The following DGKB variants were observed in gnomAD, a reference collection of about 807,000 sequenced individuals.
DGKB encodes diacylglycerol kinase beta, also known as 90 kDa diacylglycerol kinase.
In DGKB, 67 loss-of-function variants were observed where a neutral mutation model predicts 114.3. The observed-to-expected ratio is 0.59, with a 90% confidence interval of 0.48 to 0.72. DGKB has a LOEUF of 0.72. Ranked by LOEUF, DGKB falls within the 30% of genes least tolerant of loss-of-function variation. The pLI is 0.00. For synonymous variants in DGKB, 398 were observed against 323.1 expected (o/e 1.23, Z -2.49); for missense variants, 907 against 975.2 (o/e 0.93, Z 0.93).
chr7:14,665,850 T>C (rs910950258), intron 13 of DGKB, among the ~76,000 whole-genome samples: 1 of 151,958 alleles, frequency 6.6e-6, no homozygotes, highest in African/African-American at 2.4e-5. Flanking sequence ...TCTAGAGAAA[T>C]TGATCAGATT....
chr7:14,950,396 A>C (rs1786122388), intron 1 of DGKB, among the ~76,000 whole-genome samples: 1 of 151,938 alleles, frequency 6.6e-6, no homozygotes, highest in Admixed American at 6.6e-5. Flanking sequence ...GAAGAAAGGA[A>C]ATTTTAAAGA....
intron 20 of DGKB, among the ~76,000 whole-genome samples, chr7:14,489,581 A>G (rs118137902): frequency 6.6e-5 from 10 of 152,358 alleles, no homozygotes; most frequent in Admixed American, 2.6e-4. Flanking sequence ...AAGACTTATC[A>G]TCTTTGAATA....
chr7:14,701,937 T>A (rs1296640066), intron 6 of DGKB, among the ~76,000 whole-genome samples: 3 of 152,204 alleles, frequency 2.0e-5, no homozygotes, highest in Non-Finnish European at 4.4e-5. Context: ...ATAAAGTCTA[T>A]CAAATTTTGT....
At chr7:14,287,091 T>C (rs1800990013) in intron 23 of DGKB, among the ~76,000 whole-genome samples, 1 of 152,094 alleles carries the variant, frequency 6.6e-6, no homozygotes, top group South Asian at 2.1e-4. Flanking sequence ...TCTGTGACTG[T>C]GATGTAAACT....
At chr7:14,824,755 T>C (rs913896555) in intron 2 of DGKB, among the ~76,000 whole-genome samples, 2 of 151,804 alleles carry the variant, frequency 1.3e-5, no homozygotes, top group Non-Finnish European at 2.9e-5. Context: ...GTTGATCTAG[T>C]CTTTGTCTTT....
At chr7:14,775,533 G>A (rs79017756) in intron 2 of DGKB, among the ~76,000 whole-genome samples, 3,022 of 151,896 alleles carry the variant, frequency 0.02, 40 homozygotes, top group Middle Eastern at 0.071. Flanking sequence ...TGTTGTGGGA[G>A]CGACCTAGTG....
At chr7:14,580,819 G>A in intron 19 of DGKB, 43 bp downstream of exon 19, 1 of 1,328,926 alleles carries the variant, frequency 7.5e-7, no homozygotes, top group Non-Finnish European at 1.1e-6. Context: ...AGGGAAAGGG[G>A]TGTTGTGTAC....
intron 23 of DGKB, among the ~76,000 whole-genome samples, chr7:14,206,637 G>T (rs1479499525): frequency 6.6e-6 from 1 of 151,998 alleles, no homozygotes; most frequent in Non-Finnish European, 1.5e-5. Flanking sequence ...AACATAATCA[G>T]ATTTTTGATG....
chr7:14,550,795 C>T (rs1316184751), intron 20 of DGKB, among the ~76,000 whole-genome samples: 2 of 151,978 alleles, frequency 1.3e-5, no homozygotes, highest in African/African-American at 4.8e-5. Flanking sequence ...ATAAATCAAA[C>T]TAATAAAAAA....
chr7:14,675,084 T>C (rs1819617368), intron 12 of DGKB, among the ~76,000 whole-genome samples: 1 of 152,080 alleles, frequency 6.6e-6, no homozygotes. Flanking sequence ...GCAACTTCCT[T>C]AAAACTGAGA....
chr7:14,219,930 TTTAG>T (rs1267642168), intron 23 of DGKB, among the ~76,000 whole-genome samples: 1 of 151,692 alleles, frequency 6.6e-6, no homozygotes, highest in Admixed American at 6.6e-5. Context: ...TTGATTATTT[TTTAG>T]TTAATTTTTC....
Position 14,515,963 on chromosome 7 carries a change from G to C in DGKB, c.1771-37738C>G, listed in dbSNP as rs186296907. On this transcript the variant is annotated intron_variant, in intron 20 of 25. Transcript: ENST00000402815. ...AAGCTCAAGCGATCCTCCTGCCTCAGCCTCTTCAGTAGCTGGAACTACAGG... is the reference window on the plus strand; with the variant it reads ...AAGCTCAAGCGATCCTCCTGCCTCACCCTCTTCAGTAGCTGGAACTACAGG... 3.4e-3 allele frequency among the ~76,000 whole-genome samples: 511 copies of C among 152,176 alleles called. 11 individuals are homozygous for C. Among genetic ancestry groups the C allele is most frequent in the Non-Finnish European group, 4.1e-3 (280 of 68,010 alleles).
intron 2 of DGKB, among the ~76,000 whole-genome samples, chr7:14,770,550 T>G (rs1837263103): frequency 6.6e-6 from 1 of 152,078 alleles, no homozygotes; most frequent in Admixed American, 6.6e-5. Context: ...TGAGAGAAGT[T>G]TTCTGTAACC....
chr7:14,520,924 T>A (rs965081215), intron 20 of DGKB, among the ~76,000 whole-genome samples: 2 of 152,124 alleles, frequency 1.3e-5, no homozygotes, highest in African/African-American at 4.8e-5. Context: ...GACCACACTA[T>A]TATGTTCATC....
chr7:14,523,777 T>C (rs1289973611), intron 20 of DGKB, among the ~76,000 whole-genome samples: 1 of 152,152 alleles, frequency 6.6e-6, no homozygotes, highest in East Asian at 1.9e-4. Context: ...TGTGTTGTAG[T>C]AGAAAGAGCT....
At chr7:14,507,896 T>C (rs1787347862) in intron 20 of DGKB, among the ~76,000 whole-genome samples, 1 of 152,144 alleles carries the variant, frequency 6.6e-6, no homozygotes, top group Admixed American at 6.5e-5. Context: ...ATCCTAAGCT[T>C]ATAGTACATA....
intron 23 of DGKB, among the ~76,000 whole-genome samples, chr7:14,222,554 C>G (rs778982214): frequency 6.6e-6 from 1 of 151,146 alleles, no homozygotes; most frequent in African/African-American, 2.4e-5. Flanking sequence ...TTCGGTCTAT[C>G]CTGGAGAATG....
At chr7:14,852,647 G>A (rs1400422631) in intron 1 of DGKB, among the ~76,000 whole-genome samples, 4 of 151,892 alleles carry the variant, frequency 2.6e-5, no homozygotes, top group African/African-American at 4.8e-5. Context: ...GAGCCCAAAC[G>A]AAGAGGAGAA....
chr7:14,616,934 C>CA (rs2128806090), intron 15 of DGKB, among the ~76,000 whole-genome samples: 1 of 151,858 alleles, frequency 6.6e-6, no homozygotes, highest in African/African-American at 2.4e-5. Context: ...CAGGGTATTC[C>CA]AGGAGACTGT....
Sources: gnomAD v4.1 joint callset for allele counts (sites outside exome capture counted in the v4.1 genomes callset) on GRCh38, gnomAD v4.1.1 for gene constraint, MANE v1.5 for transcripts, NCBI Gene and HGNC (gene_info 2026-07-23, HGNC 2026-07-21) for gene names.